Variants in CCDC47 observed in about 807,000 individuals in gnomAD.
CCDC47 encodes the protein PAT complex subunit CCDC47.
Under a neutral mutation model 60.5 loss-of-function variants are expected in CCDC47, and 41 were observed. That is an observed-to-expected ratio of 0.68 (90% CI 0.53 to 0.88). The LOEUF is 0.88. CCDC47 is among the 40% of genes least tolerant of loss of function. The pLI, the probability that CCDC47 is intolerant of heterozygous loss-of-function variation, is 0.00. For synonymous variants in CCDC47, 195 were observed against 190.7 expected, an observed-to-expected ratio of 1.02 and a Z score of -0.18; for missense variants, 513 against 580.9, an observed-to-expected ratio of 0.88 and a Z score of 1.20.
chr17:63,760,332 C>G (rs2039248907), intron 6 of CCDC47, among the ~76,000 whole-genome samples: 1 of 152,138 alleles, frequency 6.6e-6, no homozygotes. Flanking sequence ...AATTGCTTTG[C>G]CCTCTATTGT....
At position 63,758,684 on chromosome 17, in the gene CCDC47, T is replaced by C. The variant is rs545885968; in HGVS notation, c.736-2114A>G. 2.6e-5 allele frequency among the ~76,000 whole-genome samples: 4 copies of C among 152,212 alleles called. No individual in the cohort carries two copies. The South Asian group carries it at 8.3e-4, about 32-fold the overall frequency. ...TCTGGGCCAGAAAGATAAAAAATTATAAGCCTAAAAGAGTCTGATATGATA... is the reference window on the plus strand; with the variant it reads ...TCTGGGCCAGAAAGATAAAAAATTACAAGCCTAAAAGAGTCTGATATGATA... On this transcript the variant is annotated intron_variant, in intron 6 of 12. Transcript: ENST00000225726.
intron 4 of CCDC47, 99 bp from the exon 5 acceptor site, chr17:63,761,450 G>C: frequency 7.5e-7 from 1 of 1,333,578 alleles, no homozygotes; most frequent in Non-Finnish European, 1.1e-6. Flanking sequence ...GGGAGGCTGA[G>C]GTGGGTGGAT....
Position 63,772,885 on chromosome 17 carries a change from C to G in CCDC47, c.-20+527G>C, listed in dbSNP as rs561134726. On this transcript the variant is annotated intron_variant, in intron 1 of 12. Transcript: ENST00000225726. ...ACTCCTGAAGCAAGCAACACAGGAC[C>G]AAGGAAAATTCACACAAGCGCTAAC... The G allele has an allele frequency of 6.6e-5, 10 of 152,338 alleles. No individual in the cohort carries two copies. The East Asian group carries it at 1.9e-3, about 29-fold the overall frequency. The allele number at this position is 152,338 out of a possible 1,614,324, so 9.4% of individuals were successfully genotyped here. A position where few individuals can be genotyped will look rare whatever the true frequency, so the allele number is the denominator to read the frequency against.
chr17:63,760,941 C>G lies in CCDC47; in HGVS notation c.708G>C (p.Arg236=), dbSNP rs753004011. 4 of 1,613,576 alleles carry G rather than the reference C, an allele frequency of 2.5e-6. No homozygotes were observed. The Admixed American group carries it at 6.7e-5, about 27-fold the overall frequency. Residue 236 remains arginine, a synonymous_variant, in exon 6 of 13, where the codon CGG becomes CGC. Transcript: ENST00000225726. ...CTTGATCACTCACTGGCCTCATCAT[C>G]CGGGCCAGGACATTCAGTAAGTCTT... ...KRQDLLNVLA[R]MMRPVSDQVQ... is the part of the protein sequence containing the mutation.
At chr17:63,771,851 G>A (rs1159981559) in intron 1 of CCDC47, among the ~76,000 whole-genome samples, 1 of 152,116 alleles carries the variant, frequency 6.6e-6, no homozygotes, top group Non-Finnish European at 1.5e-5. Flanking sequence ...GGAGGCCGAG[G>A]TGGGTGGATC....
At chr17:63,771,880 G>A (rs1332625537) in intron 1 of CCDC47, among the ~76,000 whole-genome samples, 4 of 152,064 alleles carry the variant, frequency 2.6e-5, no homozygotes, top group Admixed American at 1.3e-4. Context: ...TCAGGAGTTC[G>A]AGACCAGCTT....
chr17:63,754,111 AACAAAAAAC>A (rs1206934638), intron 9 of CCDC47, among the ~76,000 whole-genome samples: 1 of 151,030 alleles, frequency 6.6e-6, no homozygotes, highest in African/African-American at 2.4e-5. Context: ...GTCTCAAACA[AACAAAAAAC>A]AAAACAAAAC....
intron 11 of CCDC47, 56 bp downstream of exon 11, chr17:63,752,264 C>G: frequency 6.8e-7 from 1 of 1,460,924 alleles, no homozygotes; most frequent in South Asian, 1.2e-5. Context: ...TGCCCTCCCC[C>G]TTGAGAAGAA....
intron 12 of CCDC47, 98 bp downstream of exon 12, chr17:63,751,842 T>C (rs761427714): frequency 3.0e-5 from 40 of 1,349,012 alleles, no homozygotes; most frequent in Non-Finnish European, 4.2e-5. Context: ...GAGAAAATGC[T>C]AAACTTTTAG....
intron 6 of CCDC47, among the ~76,000 whole-genome samples, chr17:63,757,789 A>C (rs138638079): frequency 1.2e-4 from 19 of 152,352 alleles, no homozygotes; most frequent in South Asian, 1.2e-3. Flanking sequence ...AATTTCCTGA[A>C]TAACAAGAGT....
chr17:63,770,336 A>G (rs943802380), intron 1 of CCDC47, among the ~76,000 whole-genome samples: 5 of 151,946 alleles, frequency 3.3e-5, no homozygotes, highest in African/African-American at 1.2e-4. Context: ...ACTGCGGAAC[A>G]GGTTTGGCAT....
At chr17:63,761,421 C>A in intron 4 of CCDC47, 70 bp from the exon 5 acceptor site, 1 of 1,570,744 alleles carries the variant, frequency 6.4e-7, no homozygotes, top group East Asian at 2.3e-5. Context: ...GTGGCTCACG[C>A]CTATAATCCC....
intron 1 of CCDC47, among the ~76,000 whole-genome samples, chr17:63,773,035 GA>G (rs1238950558): frequency 6.6e-6 from 1 of 152,202 alleles, no homozygotes; most frequent in African/African-American, 2.4e-5. Flanking sequence ...AGGTCTTCCT[GA>G]CAACGGCCAA....
chr17:63,768,622 C>G (rs1442438149), intron 1 of CCDC47, among the ~76,000 whole-genome samples: 1 of 152,054 alleles, frequency 6.6e-6, no homozygotes, highest in East Asian at 1.9e-4. Context: ...CTCACGAGGC[C>G]GGCCGAGGCT....
intron 4 of CCDC47, among the ~76,000 whole-genome samples, chr17:63,762,897 G>T (rs2039270960): frequency 6.6e-6 from 1 of 152,156 alleles, no homozygotes. Context: ...GCTGACTCAT[G>T]AAAGATGAGA....
chr17:63,747,552 T>C, intron 12 of CCDC47: 5 of 984,472 alleles, frequency 5.1e-6, no homozygotes, highest in Non-Finnish European at 6.0e-6. Context: ...AGTAAGAAGG[T>C]TCAGGTTATT....
At chr17:63,753,928 A>G (rs1218021619) in intron 9 of CCDC47, among the ~76,000 whole-genome samples, 1 of 152,186 alleles carries the variant, frequency 6.6e-6, no homozygotes, top group African/African-American at 2.4e-5. Context: ...CAACATGGTG[A>G]AACCCCATCT....
chr17:63,758,886 CA>C (rs1316924343), intron 6 of CCDC47, among the ~76,000 whole-genome samples: 2 of 150,954 alleles, frequency 1.3e-5, no homozygotes, highest in African/African-American at 4.9e-5. Flanking sequence ...AACAGAATTC[CA>C]AAAAAAGGGG....
intron 8 of CCDC47, chr17:63,755,270 G>T (rs886305219): frequency 2.0e-6 from 2 of 983,858 alleles, no homozygotes; most frequent in Admixed American, 1.2e-4. Context: ...CGCGGACAAG[G>T]CTAAAGCTTT....
Sources: allele counts gnomAD v4.1 joint callset (sites outside exome capture counted in the v4.1 genomes callset), GRCh38; gene constraint gnomAD v4.1.1; transcripts MANE v1.5; gene names NCBI Gene and HGNC (gene_info 2026-07-23, HGNC 2026-07-21).